The following ARHGAP4 variants were observed in gnomAD, a reference collection of about 807,000 sequenced individuals.
ARHGAP4 encodes rho GTPase-activating protein 4.
Under a neutral mutation model 67.6 loss-of-function variants are expected in ARHGAP4, and 25 were observed. The observed-to-expected ratio is 0.37, with a 90% CI of 0.27 to 0.52. ARHGAP4 has a LOEUF of 0.52. ARHGAP4 is among the 20% of genes least tolerant of loss of function. The pLI is 0.92. For missense variants in ARHGAP4, 804 were observed against 854.6 expected (o/e 0.94, Z 0.74); for synonymous variants, 448 against 373.7 (o/e 1.20, Z -2.29).
chrX:153,918,852 G>C lies in ARHGAP4; in HGVS notation c.1012C>G (p.His338Asp). 1.6e-6 allele frequency: 2 copies of C among 1,212,276 alleles called. No individual in the cohort carries two copies. The highest frequency in any genetic ancestry group is 2.2e-6 in the Non-Finnish European group (2 of 895,515). ...CTCACCTCATCCCCATCATGGGGGT[G>C]GTAGTCAAAGCGCAGCGGGGGACAG... The part of the protein sequence containing the change: ...VFCPPLRFDY[H>D]PHDGDEVAEI... The change falls in exon 7 of 22, where the codon CAC (histidine) becomes GAC (aspartate). Residue 338 changes from histidine (H) to aspartate (D), a missense_variant. His to Asp is a moderately conservative substitution (Grantham distance 81, BLOSUM62 -1). Coordinates refer to ENST00000350060, the MANE Select transcript of ARHGAP4 (RefSeq NM_001666.5).
chrX:153,920,942 C>T lies in ARHGAP4; in HGVS notation c.499-134G>A, dbSNP rs1440034362. ...CCATGTGAGCACTTAGCCTAACGCC[C>T]TGTGCCTAGGGAGAGAGGCCTTTGC... On this transcript the variant is annotated intron_variant, in intron 4 of 21. Coordinates refer to ENST00000350060, the MANE Select transcript of ARHGAP4 (RefSeq NM_001666.5). 8 of 965,822 alleles carry T rather than the reference C, an allele frequency of 8.3e-6. No individual in the cohort carries two copies. In the East Asian group the frequency reaches 2.4e-4, roughly 29 times the overall value. The allele number at this position is 965,822 out of a possible 1,213,427, so 79.6% of individuals were successfully genotyped here. A position where few individuals can be genotyped will look rare whatever the true frequency, so the allele number is the denominator to read the frequency against.
chrX:153,913,466 G>A lies in ARHGAP4; in HGVS notation c.1269C>T (p.Ser423=). Reference sequence around the variant, plus strand: ...GGCCGCGCCTCCGGCCCGCCTGCCGGCTGCCTGGGTCTGAGCTGGTGGACT... The same window carrying A: ...GGCCGCGCCTCCGGCCCGCCTGCCGACTGCCTGGGTCTGAGCTGGTGGACT... ...SLKSTSSDPG[S]RQAGRRRGQQ... The change falls in exon 9 of 22, where the codon AGC becomes AGT. Residue 423 remains serine, a synonymous_variant. Coordinates refer to ENST00000350060, the MANE Select transcript of ARHGAP4 (RefSeq NM_001666.5). 1 of 1,211,908 alleles carries A rather than the reference G, an allele frequency of 8.3e-7. No homozygotes were observed. The highest frequency in any genetic ancestry group is 1.8e-5 in the South Asian group (1 of 57,010).
chrX:153,910,289 C>A lies in ARHGAP4; in HGVS notation c.2038G>T (p.Val680Leu). ...GQDPVALQGR[V>L]NQLVQTLIVQ... is the part of the protein sequence containing the mutation. ...ATGAGCGTCTGCACCAGCTGGTTCA[C>A]CCGGCCCTGCAGCGCCACCGGGTCC... Residue 680 changes from valine to leucine, a missense_variant, in exon 17 of 22, where the codon GTG becomes TTG. Physicochemically the swap from Val to Leu is conservative, Grantham distance 32 (BLOSUM62 1). This residue lies in a region of ARHGAP4 where 400 missense variants were observed against 348.7 expected (regional missense o/e 1.15). Transcript: ENST00000350060. The A allele has an allele frequency of 8.3e-7, 1 of 1,209,954 alleles. No individual in the cohort carries two copies. Among genetic ancestry groups the A allele is most frequent in the Non-Finnish European group, 1.1e-6 (1 of 894,894 alleles).
chrX:153,918,988 G>A lies in ARHGAP4; in HGVS notation c.876C>T (p.Ser292=). ...CCTGCACTTGGGAGGCTTGGGTGCGGCTCTCAGCGGCCGTGTAGCTCCGGA... is the reference window on the plus strand; with the variant it reads ...CCTGCACTTGGGAGGCTTGGGTGCGACTCTCAGCGGCCGTGTAGCTCCGGA... ...QVLRSYTAAE[S]RTQASQVQGL... is the part of the protein sequence containing the mutation. Residue 292 remains serine (S), a synonymous_variant, in exon 7 of 22, where the codon AGC becomes AGT. Coordinates refer to ENST00000350060, the MANE Select transcript of ARHGAP4 (RefSeq NM_001666.5). 2 of 1,211,950 alleles carry A rather than the reference G, an allele frequency of 1.7e-6. No individual in the cohort carries two copies. The highest frequency in any genetic ancestry group is 2.2e-6 in the Non-Finnish European group (2 of 895,533).
At position 153,921,086 on chromosome X, in the gene ARHGAP4, C is replaced by T. The variant is rs782572008; in HGVS notation, c.498+11G>A. On this transcript the variant is annotated intron_variant, in intron 4 of 21. Transcript: ENST00000350060. Reference sequence around the variant, plus strand: ...CCATTGGGGCAGGCCCCTCCCCAGCCCTTTCCTCACCGTCTGGAGCTCTGA... The same window carrying T: ...CCATTGGGGCAGGCCCCTCCCCAGCTCTTTCCTCACCGTCTGGAGCTCTGA... The T allele has an allele frequency of 1.7e-5, 20 of 1,200,654 alleles. No homozygotes were observed. The highest frequency in any genetic ancestry group is 2.0e-5 in the Non-Finnish European group (18 of 889,192).
intron 5 of ARHGAP4, among the ~76,000 whole-genome samples, chrX:153,919,872 C>T (rs945306441): frequency 9.1e-6 from 1 of 110,145 alleles, no homozygotes; most frequent in African/African-American, 3.3e-5. Flanking sequence ...CTGCAACCTC[C>T]GCCTGCTGTG....
At chrX:153,914,001 C>A (rs1301283980) in intron 7 of ARHGAP4, 122 bp from the exon 8 acceptor site, 2 of 556,912 alleles carry the variant, frequency 3.6e-6, no homozygotes, top group Admixed American at 3.1e-5. Context: ...GGACCACCAG[C>A]CCAGACGCTC....
Position 153,910,038 on chromosome X carries a change from T to C in ARHGAP4, c.2204A>G (p.Glu735Gly). The change falls in exon 18 of 22, where the codon GAA (glutamate) becomes GGA (glycine). Residue 735 changes from glutamate (E) to glycine (G), a missense_variant. Transcript: ENST00000350060. ...SLGADNEPEL[E>G]AEMPAQEDDL... ...ATCCTCCTGTGCGGGCATCTCGGCT[T>C]CCAGCTCCGGCTCATTGTCCGCCCC... The C allele has an allele frequency of 5.0e-6, 6 of 1,211,280 alleles. No homozygotes were observed. The highest frequency in any genetic ancestry group is 6.7e-6 in the Non-Finnish European group (6 of 895,475).
At chrX:153,918,764 G>A in intron 7 of ARHGAP4, 68 bp downstream of exon 7, 1 of 1,086,050 alleles carries the variant, frequency 9.2e-7, no homozygotes, top group East Asian at 3.0e-5. Flanking sequence ...TGTGGGTCAT[G>A]CCACTCCACT....
At chrX:153,911,235 G>A in intron 12 of ARHGAP4, 46 bp from the exon 13 acceptor site, 1 of 630,908 alleles carries the variant, frequency 1.6e-6, no homozygotes, top group South Asian at 3.0e-5. Context: ...AGCATGCCCT[G>A]TGTTGTCATT....
In ARHGAP4 at chrX:153,919,112, G is replaced by A. The variant is rs1557104703; in HGVS notation, c.810+43C>T. The A allele has an allele frequency of 9.9e-6, 12 of 1,209,004 alleles. No homozygotes were observed. The East Asian group carries it at 1.2e-4, about 12-fold the overall frequency. ...CCTGGAGCCACAGCTTCCCAGCCCC[G>A]AGGCACCAGGCACCTTTTCCCACCT... On this transcript the variant is annotated intron_variant, in intron 6 of 21. Coordinates refer to ENST00000350060, the MANE Select transcript of ARHGAP4 (RefSeq NM_001666.5).
rs368446618 is a variant in ARHGAP4 at position 153,913,844 on chromosome X, G to C, written c.1068C>G (p.Asp356Glu). ...AEICVEMELR[D>E]EILPRAQNIQ... Reference sequence around the variant, plus strand: ...TGTTCTGGGCTCTGGGCAGAATCTCGTCCCGCAGCTCCATTTCAACGCAGA... The same window carrying C: ...TGTTCTGGGCTCTGGGCAGAATCTCCTCCCGCAGCTCCATTTCAACGCAGA... The change falls in exon 8 of 22, where the codon GAC becomes GAG. Residue 356 changes from aspartate to glutamate, a missense_variant. This residue lies in a region of ARHGAP4 where 404 missense variants were observed against 505.9 expected (regional missense o/e 0.80). Coordinates refer to ENST00000350060, the MANE Select transcript of ARHGAP4 (RefSeq NM_001666.5). 7.0e-5 allele frequency: 85 copies of C among 1,210,865 alleles called. No homozygotes were observed. The highest frequency in any genetic ancestry group is 1.1e-5 in the Non-Finnish European group (10 of 895,350).
At chrX:153,924,951 C>CA (rs1269230450) in intron 1 of ARHGAP4, among the ~76,000 whole-genome samples, 1 of 112,139 alleles carries the variant, frequency 8.9e-6, no homozygotes, top group Admixed American at 9.4e-5. Flanking sequence ...GAAGCTTTTC[C>CA]AGGGTGTGGG....
chrX:153,909,632 C>T, intron 19 of ARHGAP4, 97 bp from the exon 20 acceptor site: 2 of 1,081,404 alleles, frequency 1.8e-6, no homozygotes, highest in Non-Finnish European at 2.5e-6. Flanking sequence ...CAGAGAGGCT[C>T]TGTTCTCTGG....
rs782693083 is a variant in ARHGAP4 at position 153,910,737 on chromosome X, G to T, written c.1779C>A (p.Phe593Leu). 30 of 1,192,588 alleles carry T rather than the reference G, an allele frequency of 2.5e-5. No individual in the cohort carries two copies. In the East Asian group the frequency reaches 8.2e-4, roughly 33 times the overall value. ...GCAGCTCGCCGAACAGGTCTGGGGG[G>T]AAGAGTGGGGGCTCCAGGCTCCGGA... ...LYFRSLEPPL[F>L]PPDLFGELLA... Residue 593 changes from phenylalanine (F) to leucine (L), a missense_variant, in exon 15 of 22, where the codon TTC becomes TTA. Physicochemically the swap from Phe to Leu is conservative, Grantham distance 22. Around this residue, in one of 2 missense-constraint regions of ARHGAP4, gnomAD observed 400 missense variants for 348.7 expected, o/e 1.15. Transcript: ENST00000350060.
chrX:153,916,106 G>A (rs1263588037), intron 7 of ARHGAP4, among the ~76,000 whole-genome samples: 3 of 112,429 alleles, frequency 2.7e-5, no homozygotes, highest in South Asian at 3.7e-4. Flanking sequence ...CTGCGATCAC[G>A]CATGAGTGAG....
In ARHGAP4 at chrX:153,919,733, G is replaced by A. The variant is rs781990456; in HGVS notation, c.682-450C>T. The A allele has an allele frequency of 2.8e-6, 3 of 1,080,862 alleles. No individual in the cohort carries two copies. In the South Asian group the frequency reaches 7.7e-5, roughly 28 times the overall value. The allele number at this position is 1,080,862 out of a possible 1,213,427, so 89.1% of individuals were successfully genotyped here. ...AAAGGGTAGGGATAGATCATCAAGA[G>A]CCATGAAACAGAACCTGCTGGCACC... is the stretch of plus-strand genomic sequence containing the variant. On this transcript the variant is annotated intron_variant, in intron 5 of 21. Coordinates refer to ENST00000350060, the MANE Select transcript of ARHGAP4 (RefSeq NM_001666.5).
intron 21 of ARHGAP4, among the ~76,000 whole-genome samples, chrX:153,908,546 G>A (rs1174032215): frequency 8.9e-6 from 1 of 112,001 alleles, no homozygotes; most frequent in Non-Finnish European, 1.9e-5. Context: ...GCTTGCCAGG[G>A]CCACATCTTG....
At chrX:153,925,664 C>A (rs2065121184) in intron 1 of ARHGAP4, among the ~76,000 whole-genome samples, 1 of 112,339 alleles carries the variant, frequency 8.9e-6, no homozygotes, top group South Asian at 3.7e-4. Flanking sequence ...CCCCTCAGTG[C>A]TAAAGGGAGG....
Sources: allele counts gnomAD v4.1 joint callset (sites outside exome capture counted in the v4.1 genomes callset), GRCh38; gene constraint gnomAD v4.1.1; regional missense constraint gnomAD v4.1.1; transcripts MANE v1.5; gene names NCBI Gene and HGNC (gene_info 2026-07-23, HGNC 2026-07-21).